CPNE1: variants seen among roughly 807,000 people sequenced by gnomAD.
CPNE1 encodes the protein copine 1.
CPNE1 carries 58 observed loss-of-function variants against 63.2 expected under a neutral mutation model. The observed-to-expected ratio is 0.92, with a 90% CI of 0.74 to 1.14. CPNE1 has a LOEUF of 1.14. Among genes scored for constraint, CPNE1 ranks in the 50% most tolerant of loss-of-function variants. The pLI is 0.00. For missense variants in CPNE1, 672 were observed against 661.7 expected, an observed-to-expected ratio of 1.02 and a Z score of -0.17; for synonymous variants, 237 against 249.0, an observed-to-expected ratio of 0.95 and a Z score of 0.45.
intron 1 of CPNE1, chr20:35,654,802 G>A (rs752177276): frequency 1.2e-6 from 2 of 1,614,226 alleles, no homozygotes; most frequent in Middle Eastern, 1.6e-4. Context: ...GCTTGGAACA[G>A]TTGAGCTAAA....
chr20:35,632,649 G>A lies in CPNE1; in HGVS notation c.177C>T (p.Ser59=). ...AGCGGTACTCAAGCTGTAGAGTCTT[G>A]GAGAACTCAGGGCTTGAGCAGTTCC... ...RVRNCSSPEF[S]KTLQLEYRFE... is the part of the protein sequence containing the mutation. Residue 59 remains serine, a synonymous_variant, in exon 3 of 16, where the codon TCC becomes TCT. Coordinates refer to ENST00000397443, the MANE Select transcript of CPNE1 (RefSeq NM_152925.3). 1 of 1,409,314 alleles carries A rather than the reference G, an allele frequency of 7.1e-7. No homozygotes were observed. The highest frequency in any genetic ancestry group is 1.0e-6 in the Non-Finnish European group (1 of 993,094). The allele number at this position is 1,409,314 out of a possible 1,614,324, so 87.3% of individuals were successfully genotyped here.
intron 1 of CPNE1, among the ~76,000 whole-genome samples, chr20:35,633,529 T>C (rs1451852636): frequency 6.6e-6 from 1 of 152,230 alleles, no homozygotes; most frequent in East Asian, 1.9e-4. Context: ...AAGCCATCAC[T>C]GTTTGTCACC....
intron 1 of CPNE1, among the ~76,000 whole-genome samples, chr20:35,662,806 C>A (rs768821654): frequency 6.6e-6 from 1 of 152,122 alleles, no homozygotes; most frequent in African/African-American, 2.4e-5. Flanking sequence ...AAACATTTGA[C>A]GTGTCAAAGA....
intron 1 of CPNE1, among the ~76,000 whole-genome samples, chr20:35,643,613 C>T (rs1400037187): frequency 6.6e-6 from 1 of 151,970 alleles, no homozygotes; most frequent in Non-Finnish European, 1.5e-5. Flanking sequence ...TGTGGTGGTG[C>T]ACACCTGTAA....
chr20:35,631,628 A>G (rs2032147945), intron 7 of CPNE1, 50 bp from the exon 8 acceptor site: 3 of 1,607,664 alleles, frequency 1.9e-6, no homozygotes, highest in East Asian at 2.2e-5. Context: ...GCAGATGAGA[A>G]TAAGTCCCTC....
chr20:35,645,123 C>G (rs2033032532), intron 1 of CPNE1, among the ~76,000 whole-genome samples: 1 of 152,082 alleles, frequency 6.6e-6, no homozygotes, highest in African/African-American at 2.4e-5. Context: ...CTACAGTGTG[C>G]ACAAAAGGAG....
chr20:35,656,842 C>T (rs2033929176), intron 1 of CPNE1, among the ~76,000 whole-genome samples: 1 of 146,990 alleles, frequency 6.8e-6, no homozygotes, highest in Non-Finnish European at 1.5e-5. Context: ...CCCATAAAAT[C>T]AGCTCATGAC....
chr20:35,658,712 A>C (rs1412196501), intron 1 of CPNE1, among the ~76,000 whole-genome samples: 2 of 152,042 alleles, frequency 1.3e-5, no homozygotes, highest in Non-Finnish European at 2.9e-5. Context: ...GTGAGCCGAG[A>C]TGGCACCACT....
chr20:35,653,452 A>C (rs768736508), intron 1 of CPNE1: 2 of 1,614,074 alleles, frequency 1.2e-6, no homozygotes, highest in Non-Finnish European at 1.7e-6. Flanking sequence ...AATCTCTCTC[A>C]TATCTTCTAG....
intron 1 of CPNE1, among the ~76,000 whole-genome samples, chr20:35,663,898 C>G (rs1265570824): frequency 6.6e-6 from 1 of 152,184 alleles, no homozygotes; most frequent in Non-Finnish European, 1.5e-5. Flanking sequence ...AATTAACTCT[C>G]CATCAAAAGC....
At position 35,631,729 on chromosome 20, in the gene CPNE1, C is replaced by T. The variant is rs967240640; in HGVS notation, c.586G>A (p.Val196Ile). 13 of 1,613,944 alleles carry T rather than the reference C, an allele frequency of 8.1e-6. No homozygotes were observed. The highest frequency in any genetic ancestry group is 5.3e-5 in the African/African-American group (4 of 74,866). Residue 196 changes from valine (V) to isoleucine (I), a missense_variant, in exon 7 of 16, where the codon GTT (valine) becomes ATT (isoleucine). Val to Ile is a conservative substitution (Grantham distance 29). Transcript: ENST00000397443. ...GGGTTCCCACCACAGAAATGCTGAA[C>T]GGGGACTGAGAAACGCTTCCATGTA... ...NPTWKRFSVP[V>I]QHFCGGNPST...
chr20:35,640,253 G>T (rs1293906370), intron 1 of CPNE1, among the ~76,000 whole-genome samples: 1 of 151,982 alleles, frequency 6.6e-6, no homozygotes, highest in Non-Finnish European at 1.5e-5. Flanking sequence ...CTACCTCTAA[G>T]CCTATCTCTG....
chr20:35,661,022 C>G (rs2034203931), intron 1 of CPNE1, among the ~76,000 whole-genome samples: 1 of 152,150 alleles, frequency 6.6e-6, no homozygotes, highest in African/African-American at 2.4e-5. Flanking sequence ...TTGACAAATG[C>G]CTAGTTCAAG....
chr20:35,652,938 G>C (rs990171550), intron 1 of CPNE1: 1 of 1,613,656 alleles, frequency 6.2e-7, no homozygotes, highest in African/African-American at 1.3e-5. Context: ...AGCTACCAGG[G>C]CCATTTCCAA....
intron 1 of CPNE1, among the ~76,000 whole-genome samples, chr20:35,641,742 G>A (rs542722034): frequency 6.6e-6 from 1 of 152,244 alleles, no homozygotes; most frequent in South Asian, 2.1e-4. Flanking sequence ...CATGCCACAC[G>A]ACTGTATTCT....
intron 1 of CPNE1, chr20:35,652,977 TG>T: frequency 6.2e-7 from 1 of 1,613,832 alleles, no homozygotes; most frequent in Non-Finnish European, 8.5e-7. Flanking sequence ...CAAATCCCGA[TG>T]GCCCACTTAA....
chr20:35,635,725 T>C (rs1230389957), intron 1 of CPNE1, among the ~76,000 whole-genome samples: 2 of 152,158 alleles, frequency 1.3e-5, no homozygotes, highest in African/African-American at 4.8e-5. Flanking sequence ...AGCTATACCC[T>C]GAGATGCCTC....
intron 1 of CPNE1, among the ~76,000 whole-genome samples, chr20:35,646,128 TAA>T (rs111736754): frequency 7.3e-4 from 98 of 133,448 alleles, no homozygotes; most frequent in African/African-American, 2.0e-3. Context: ...ACAAAAAAAT[TAA>T]AAAAAAAAAA....
Position 35,630,442 on chromosome 20 carries a change from C to G in CPNE1, c.1099G>C (p.Ala367Pro). The part of the protein sequence containing the change: ...LNFNPSNPYC[A>P]GIQGIVDAYR... ...CAGGGTGGATGGGGAAACTTACCTG[C>G]ACAGTAGGGGTTACTGGGGTTGAAA... The change falls in exon 13 of 16, where the codon GCA becomes CCA. Residue 367 changes from alanine (A) to proline (P), a missense_variant. By Grantham distance (27) the Ala-to-Pro change is conservative (BLOSUM62 -1). Coordinates refer to ENST00000397443, the MANE Select transcript of CPNE1 (RefSeq NM_152925.3). The G allele has an allele frequency of 6.2e-7, 1 of 1,614,122 alleles. No individual in the cohort carries two copies. The highest frequency in any genetic ancestry group is 8.5e-7 in the Non-Finnish European group (1 of 1,179,964).
Sources: gnomAD v4.1 joint callset for allele counts (sites outside exome capture counted in the v4.1 genomes callset) on GRCh38, gnomAD v4.1.1 for gene constraint, MANE v1.5 for transcripts, NCBI Gene and HGNC (gene_info 2026-07-23, HGNC 2026-07-21) for gene names.